Variants in GRIN2B observed in about 807,000 individuals in gnomAD.
GRIN2B encodes the protein glutamate receptor ionotropic, NMDA 2B.
GRIN2B carries 5 observed loss-of-function variants against 114.5 expected under a neutral mutation model. The ratio of observed to expected loss-of-function variants is 0.04; its 90% confidence interval spans 0.02 to 0.09. GRIN2B has a LOEUF of 0.09. Among genes scored for constraint, GRIN2B ranks in the 10% least tolerant of loss-of-function variants. The pLI is 1.00. For missense variants in GRIN2B, 1,108 were observed against 1,943.5 expected (o/e 0.57, Z 8.08); for synonymous variants, 787 against 745.1 (o/e 1.06, Z -0.92).
At chr12:13,673,930 C>G (rs1950046464) in intron 5 of GRIN2B, among the ~76,000 whole-genome samples, 1 of 152,060 alleles carries the variant, frequency 6.6e-6, no homozygotes, top group African/African-American at 2.4e-5. Context: ...ACATGAAGAA[C>G]CCAGAACATT....
chr12:13,952,489 T>G (rs1867501451), intron 2 of GRIN2B, among the ~76,000 whole-genome samples: 1 of 152,220 alleles, frequency 6.6e-6, no homozygotes, highest in African/African-American at 2.4e-5. Flanking sequence ...TTAGGAGCCC[T>G]GTGTTCTATC....
At chr12:13,682,882 G>T (rs991242159) in intron 4 of GRIN2B, among the ~76,000 whole-genome samples, 3 of 152,116 alleles carry the variant, frequency 2.0e-5, no homozygotes, top group Non-Finnish European at 2.9e-5. Flanking sequence ...CCTGGATTCT[G>T]TTTCACAACT....
intron 3 of GRIN2B, among the ~76,000 whole-genome samples, chr12:13,755,554 G>A (rs1863562152): frequency 6.6e-6 from 1 of 152,198 alleles, no homozygotes; most frequent in Non-Finnish European, 1.5e-5. Flanking sequence ...ATTCAGGAAA[G>A]CAGGGAGGGT....
chr12:13,965,289 T>C (rs943829386), intron 2 of GRIN2B, among the ~76,000 whole-genome samples: 9 of 152,220 alleles, frequency 5.9e-5, no homozygotes, highest in Non-Finnish European at 1.5e-5. Flanking sequence ...CTAGTATTTA[T>C]GCTTATGAGT....
intron 4 of GRIN2B, among the ~76,000 whole-genome samples, chr12:13,705,010 T>C (rs1338962999): frequency 1.3e-5 from 2 of 152,156 alleles, no homozygotes; most frequent in Non-Finnish European, 2.9e-5. Context: ...CCTTCTCCAA[T>C]TCCCAGGTAC....
chr12:13,704,776 G>A (rs1252706761), intron 4 of GRIN2B, among the ~76,000 whole-genome samples: 1 of 152,114 alleles, frequency 6.6e-6, no homozygotes, highest in Non-Finnish European at 1.5e-5. Context: ...CAGGTAAAAG[G>A]ACTTCTAAGT....
At chr12:13,827,902 G>A (rs184124688) in intron 3 of GRIN2B, among the ~76,000 whole-genome samples, 124 of 152,248 alleles carry the variant, frequency 8.1e-4, no homozygotes, top group African/African-American at 2.8e-3. Flanking sequence ...GGCTGGTCTC[G>A]AACTCCTGAC....
chr12:13,587,248 C>T (rs887743214), intron 10 of GRIN2B, among the ~76,000 whole-genome samples: 1 of 151,954 alleles, frequency 6.6e-6, no homozygotes, highest in Non-Finnish European at 1.5e-5. Context: ...TCCCTGGAAA[C>T]CCTTGTCTTT....
chr12:13,587,688 G>C (rs964070439), intron 10 of GRIN2B, among the ~76,000 whole-genome samples: 1 of 151,974 alleles, frequency 6.6e-6, no homozygotes, highest in African/African-American at 2.4e-5. Context: ...AGTTTATGTC[G>C]GAAAAACATA....
At chr12:13,667,037 T>C (rs2136532610) in intron 5 of GRIN2B, among the ~76,000 whole-genome samples, 1 of 152,280 alleles carries the variant, frequency 6.6e-6, no homozygotes, top group South Asian at 2.1e-4. Context: ...CTGGGTCATG[T>C]ATGAACCACA....
At chr12:13,650,593 C>A (rs1949804074) in intron 5 of GRIN2B, among the ~76,000 whole-genome samples, 1 of 152,024 alleles carries the variant, frequency 6.6e-6, no homozygotes, top group Admixed American at 6.6e-5. Context: ...ATCCCATGAA[C>A]ATCAATTGGC....
intron 2 of GRIN2B, among the ~76,000 whole-genome samples, chr12:13,956,866 C>CCT (rs1345060232): frequency 6.6e-6 from 1 of 152,152 alleles, no homozygotes; most frequent in Non-Finnish European, 1.5e-5. Context: ...TCAGATCCTC[C>CCT]CTCTAGTCCT....
intron 4 of GRIN2B, among the ~76,000 whole-genome samples, chr12:13,695,655 C>A (rs1950253291): frequency 6.6e-6 from 1 of 152,066 alleles, no homozygotes; most frequent in South Asian, 2.1e-4. Flanking sequence ...AAAACAGGGC[C>A]AATTGTGAAG....
At chr12:13,605,520 GTCTCTCTCTCTC>G (rs3081918) in intron 10 of GRIN2B, among the ~76,000 whole-genome samples, 1 of 114,952 alleles carries the variant, frequency 8.7e-6, no homozygotes, top group African/African-American at 3.4e-5. Context: ...GGTCTTGAAA[GTCTCTCTCTCTC>G]TCTCTCTCTC....
At chr12:13,969,726 C>A (rs945532442) in intron 2 of GRIN2B, among the ~76,000 whole-genome samples, 2 of 152,182 alleles carry the variant, frequency 1.3e-5, no homozygotes, top group Non-Finnish European at 2.9e-5. Context: ...TGCGTAAATG[C>A]AGACTTATCA....
intron 2 of GRIN2B, among the ~76,000 whole-genome samples, chr12:13,940,503 G>A (rs1223990146): frequency 6.6e-6 from 1 of 151,900 alleles, no homozygotes; most frequent in Non-Finnish European, 1.5e-5. Flanking sequence ...CTACCAAAAT[G>A]ACGAAGTGGG....
At chr12:13,603,909 G>A (rs923476356) in intron 10 of GRIN2B, among the ~76,000 whole-genome samples, 6 of 151,826 alleles carry the variant, frequency 4.0e-5, no homozygotes, top group East Asian at 1.9e-4. Context: ...CCAGAGTCTC[G>A]GTGTTCCTAT....
chr12:13,607,098 T>G (rs1451915139), intron 10 of GRIN2B, among the ~76,000 whole-genome samples: 1 of 141,174 alleles, frequency 7.1e-6, no homozygotes, highest in African/African-American at 2.7e-5. Context: ...GGCAGCCCTG[T>G]GCATTTAGGC....
At chr12:13,649,123 C>T (rs889561431) in intron 5 of GRIN2B, among the ~76,000 whole-genome samples, 1 of 152,050 alleles carries the variant, frequency 6.6e-6, no homozygotes, top group Non-Finnish European at 1.5e-5. Flanking sequence ...GGGAATATTA[C>T]TGATCTTGCC....
Sources: allele counts gnomAD v4.1 joint callset (sites outside exome capture counted in the v4.1 genomes callset), GRCh38; gene constraint gnomAD v4.1.1; transcripts MANE v1.5; gene names NCBI Gene and HGNC (gene_info 2026-07-23, HGNC 2026-07-21).